The following PSMD1 variants were observed in gnomAD, a reference collection of about 807,000 sequenced individuals.
PSMD1 encodes the protein proteasome 26S subunit, non-ATPase 1, also known as 26S proteasome non-ATPase regulatory subunit 1.
PSMD1 carries 18 observed loss-of-function variants against 119.0 expected under a neutral mutation model. The ratio of observed to expected loss-of-function variants is 0.15; its 90% CI spans 0.10 to 0.22. PSMD1 has a LOEUF of 0.22. Among genes scored for constraint, PSMD1 ranks in the 10% least tolerant of loss-of-function variants. The probability of loss-of-function intolerance (pLI) is 1.00; values close to 1 mark genes in which losing one functional copy is unlikely to be tolerated. For synonymous variants in PSMD1, 374 were observed against 396.6 expected (o/e 0.94, Z 0.68); for missense variants, 702 against 1,158.5 (o/e 0.61, Z 5.72).
At chr2:231,126,770 A>G (rs528778728) in intron 16 of PSMD1, among the ~76,000 whole-genome samples, 29 of 151,874 alleles carry the variant, frequency 1.9e-4, no homozygotes, top group African/African-American at 2.4e-4. Context: ...GATTTTTTTT[A>G]TTTTTGCTTT....
Position 231,066,965 on chromosome 2 carries a change from G to C in PSMD1, c.364G>C (p.Glu122Gln). 1.9e-6 allele frequency: 3 copies of C among 1,612,470 alleles called. No individual in the cohort carries two copies. The South Asian group carries it at 3.3e-5, about 18-fold the overall frequency. Residue 122 changes from glutamate to glutamine, a missense_variant, in exon 5 of 25, where the codon GAA (glutamate) becomes CAA (glutamine). By Grantham distance (29) the Glu-to-Gln change is conservative. Around this residue, in one of 9 missense-constraint regions of PSMD1, gnomAD observed 50 missense variants for 41.8 expected, o/e 1.20. Coordinates refer to ENST00000308696, the MANE Select transcript of PSMD1 (RefSeq NM_002807.4). ...GGAAAATGCAGATTTGCCTGAAGGA[G>C]AAAAAAAACCAATTGACCAGAGATT... Reference protein sequence around the residue: ...CVENADLPEGEKKPIDQRLEG... With the variant: ...CVENADLPEGQKKPIDQRLEG...
At chr2:231,094,750 ATGAG>A (rs1694686476) in intron 16 of PSMD1, among the ~76,000 whole-genome samples, 1 of 152,260 alleles carries the variant, frequency 6.6e-6, no homozygotes, top group African/African-American at 2.4e-5. Context: ...CTACAGAAGT[ATGAG>A]ATAAGAACTG....
intron 20 of PSMD1, among the ~76,000 whole-genome samples, 182 bp downstream of exon 20, chr2:231,161,691 A>G (rs183012698): frequency 1.9e-4 from 29 of 152,326 alleles, no homozygotes; most frequent in African/African-American, 6.3e-4. Flanking sequence ...AAGTTTTGAA[A>G]AGCATATCTC....
intron 2 of PSMD1, among the ~76,000 whole-genome samples, chr2:231,061,668 A>G (rs1693764208): frequency 6.6e-6 from 1 of 151,824 alleles, no homozygotes; most frequent in Non-Finnish European, 1.5e-5. Flanking sequence ...CACTCAAATG[A>G]TCCTCCCACC....
At position 231,104,718 on chromosome 2, in the gene PSMD1, A is replaced by G. The variant is rs1694940430; in HGVS notation, c.1883+17537A>G. Among the ~76,000 whole-genome samples, 3 of 152,178 alleles carry G rather than the reference A, an allele frequency of 2.0e-5. No homozygotes were observed. The South Asian group carries it at 6.2e-4, about 31-fold the overall frequency. On this transcript the variant is annotated intron_variant, in intron 16 of 24. Transcript: ENST00000308696. ...TGAGATTCTAAACAGGCTTCATGAT[A>G]GACCAGTGCTTTCTCCACCTTGCTT... is the stretch of plus-strand genomic sequence containing the variant.
At chr2:231,110,750 A>C (rs1230159922) in intron 16 of PSMD1, among the ~76,000 whole-genome samples, 1 of 152,222 alleles carries the variant, frequency 6.6e-6, no homozygotes, top group Non-Finnish European at 1.5e-5. Context: ...ATTGGCCCAC[A>C]TTCTATTTTT....
intron 16 of PSMD1, among the ~76,000 whole-genome samples, chr2:231,110,292 G>A (rs569988724): frequency 5.9e-5 from 9 of 152,154 alleles, no homozygotes; most frequent in East Asian, 5.8e-4. Context: ...TGCCCTCCAC[G>A]CTCAGCGACA....
chr2:231,159,002 G>A (rs894250382), intron 19 of PSMD1, among the ~76,000 whole-genome samples: 4 of 152,160 alleles, frequency 2.6e-5, no homozygotes, highest in Non-Finnish European at 4.4e-5. Context: ...TTATTTGGTT[G>A]AACAGTAGAA....
chr2:231,149,139 C>G (rs773919098), intron 18 of PSMD1, among the ~76,000 whole-genome samples: 1 of 152,250 alleles, frequency 6.6e-6, no homozygotes, highest in African/African-American at 2.4e-5. Flanking sequence ...CTTAGCTCCA[C>G]ACGTTGCCCT....
At position 231,070,130 on chromosome 2, in the gene PSMD1, A is replaced by G. The variant is rs765000446; in HGVS notation, c.616A>G (p.Met206Val). Reference protein sequence around the residue: ...KVLRVLVKIYMNLEKPDFINV... With the variant: ...KVLRVLVKIYVNLEKPDFINV... ...ACTAAGAGTTCTAGTTAAAATCTAC[A>G]TGAACTTGGAGAAACCTGATTTCAT... Residue 206 changes from methionine to valine, a missense_variant, in exon 6 of 25, where the codon ATG (methionine) becomes GTG (valine). This residue lies in a region of PSMD1 where 32 missense variants were observed against 77.1 expected (regional missense o/e 0.42). Coordinates refer to ENST00000308696, the MANE Select transcript of PSMD1 (RefSeq NM_002807.4). The G allele has an allele frequency of 3.2e-6, 5 of 1,562,774 alleles. No homozygotes were observed. The African/African-American group carries it at 4.1e-5, about 13-fold the overall frequency.
intron 17 of PSMD1, among the ~76,000 whole-genome samples, chr2:231,141,969 G>A (rs968956034): frequency 3.3e-5 from 5 of 152,104 alleles, no homozygotes; most frequent in African/African-American, 7.2e-5. Context: ...TGCAACCTCC[G>A]CCTCCTGGGT....
intron 18 of PSMD1, 125 bp from the exon 19 acceptor site, chr2:231,153,439 C>G: frequency 1.4e-6 from 1 of 714,614 alleles, no homozygotes; most frequent in Non-Finnish European, 2.4e-6. Context: ...TGGTCCATAT[C>G]CCTCTCTTGA....
At chr2:231,100,014 G>A (rs990074626) in intron 16 of PSMD1, among the ~76,000 whole-genome samples, 18 of 151,836 alleles carry the variant, frequency 1.2e-4, no homozygotes, top group Non-Finnish European at 1.9e-4. Context: ...TTTTTTCTGC[G>A]TTGCTGAGAG....
Position 231,061,186 on chromosome 2 carries a change from A to G in PSMD1, c.17-81A>G, listed in dbSNP as rs114110897. On this transcript the variant is annotated intron_variant, in intron 1 of 24. Coordinates refer to ENST00000308696, the MANE Select transcript of PSMD1 (RefSeq NM_002807.4). ...GCCTCAAAAAAATTGTTTTTCAGCCATCATGTATTTTTGACCAGGTGTTAA... is the reference window on the plus strand; with the variant it reads ...GCCTCAAAAAAATTGTTTTTCAGCCGTCATGTATTTTTGACCAGGTGTTAA... 1.3e-3 allele frequency: 1,393 copies of G among 1,103,422 alleles called. 10 individuals are homozygous for G. In the African/African-American group the frequency reaches 0.018, roughly 15 times the overall value. The allele number at this position is 1,103,422 out of a possible 1,614,324, so 68.4% of individuals were successfully genotyped here. A position where few individuals can be genotyped will look rare whatever the true frequency, so the allele number is the denominator to read the frequency against.
intron 16 of PSMD1, chr2:231,133,775 AT>A (rs1695906024): frequency 6.6e-6 from 1 of 152,188 alleles, no homozygotes; most frequent in African/African-American, 2.4e-5. Flanking sequence ...AAGCATCTTG[AT>A]TTATTAGTGA....
intron 19 of PSMD1, among the ~76,000 whole-genome samples, chr2:231,157,164 G>T (rs1465095190): frequency 6.6e-6 from 1 of 151,862 alleles, no homozygotes; most frequent in Non-Finnish European, 1.5e-5. Flanking sequence ...ACAGTTTTTT[G>T]CTGGTTTTTA....
At chr2:231,100,498 T>C (rs1212506106) in intron 16 of PSMD1, among the ~76,000 whole-genome samples, 1 of 152,020 alleles carries the variant, frequency 6.6e-6, no homozygotes, top group Non-Finnish European at 1.5e-5. Context: ...GTGGACCAGG[T>C]GATCAGAATG....
chr2:231,058,916 C>G (rs565564011), intron 1 of PSMD1, among the ~76,000 whole-genome samples: 1 of 152,270 alleles, frequency 6.6e-6, no homozygotes, highest in Admixed American at 6.5e-5. Flanking sequence ...CACCACAGCT[C>G]TGTAATTGCC....
At chr2:231,062,814 A>T in intron 4 of PSMD1, 139 bp downstream of exon 4, 1 of 712,288 alleles carries the variant, frequency 1.4e-6, no homozygotes, top group Admixed American at 3.7e-5. Context: ...TAATAATTTT[A>T]TGCAGGCTGA....
Sources: gnomAD v4.1 joint callset for allele counts (sites outside exome capture counted in the v4.1 genomes callset) on GRCh38, gnomAD v4.1.1 for gene constraint, gnomAD v4.1.1 regional missense constraint, MANE v1.5 for transcripts, NCBI Gene and HGNC (gene_info 2026-07-23, HGNC 2026-07-21) for gene names.